Variants in NBEAL2 observed in about 807,000 individuals in gnomAD.
NBEAL2 encodes the protein neurobeachin-like protein 2.
NBEAL2 carries 160 observed loss-of-function variants against 299.8 expected under a neutral mutation model. That is an observed-to-expected ratio of 0.53 (90% CI 0.47 to 0.61). The LOEUF (loss-of-function observed/expected upper bound fraction) is 0.61, where lower values mean the gene tolerates loss of function less well. Ranked by LOEUF, NBEAL2 falls within the 20% of genes least tolerant of loss-of-function variation. NBEAL2 has a pLI of 0.00. For missense variants in NBEAL2, 3,112 were observed against 3,649.0 expected, an observed-to-expected ratio of 0.85 and a Z score of 3.79; for synonymous variants, 1,493 against 1,542.3, an observed-to-expected ratio of 0.97 and a Z score of 0.75.
Position 47,008,502 on chromosome 3 carries a change from A to G in NBEAL2, c.7879-18A>G. 6.2e-7 allele frequency: 1 copy of G among 1,610,614 alleles called. No individual in the cohort carries two copies. The highest frequency in any genetic ancestry group is 8.5e-7 in the Non-Finnish European group (1 of 1,177,370). On this transcript the variant is annotated intron_variant, in intron 51 of 53. Transcript: ENST00000450053. ...CAGTTGGGATCCTGTCCTTGCTGAC[A>G]CTCCCTGCTTCCTCCAGGTCACCTA...
In NBEAL2 at chr3:46,996,579, C is replaced by T. The variant is rs752596053; in HGVS notation, c.2460C>T (p.Thr820=). ...CCCTGCAGGCGACGGCTCTGAGGACCCTGTGCACCCTGGGTATGCAGCATT... is the reference window on the plus strand; with the variant it reads ...CCCTGCAGGCGACGGCTCTGAGGACTCTGTGCACCCTGGGTATGCAGCATT... ...HEALQATALR[T]LCTLGPNETA... is the part of the protein sequence containing the mutation. Residue 820 remains threonine, a synonymous_variant, in exon 16 of 54, where the codon ACC becomes ACT. Coordinates refer to ENST00000450053, the MANE Select transcript of NBEAL2 (RefSeq NM_015175.3). 2 of 1,530,750 alleles carry T rather than the reference C, an allele frequency of 1.3e-6. No individual in the cohort carries two copies. The highest frequency in any genetic ancestry group is 2.3e-5 in the East Asian group (1 of 43,796). The allele number at this position is 1,530,750 out of a possible 1,614,324, so 94.8% of individuals were successfully genotyped here.
chr3:46,991,597 G>A lies in NBEAL2; in HGVS notation c.834G>A (p.Glu278=), dbSNP rs2036093940. The change falls in exon 8 of 54, where the codon GAG becomes GAA. Residue 278 remains glutamate, a synonymous_variant. Transcript: ENST00000450053. This position sits in a 1 kb window ranked among gnomAD's most constrained non-coding sequence, Gnocchi z 6.2. ...PRGPELRALL[E]SYFHVLNADW... is the part of the protein sequence containing the mutation. ...GCCCAGAGCTTCGTGCCCTGCTTGA[G>A]AGCTACTTCCATGTCCTTAATGCTG... The A allele has an allele frequency of 2.2e-5, 35 of 1,601,138 alleles. No individual in the cohort carries two copies. The highest frequency in any genetic ancestry group is 2.9e-5 in the Non-Finnish European group (34 of 1,179,826).
Position 47,002,511 on chromosome 3 carries a change from G to A in NBEAL2, c.5292G>A (p.Arg1764=). 6.2e-7 allele frequency: 1 copy of A among 1,612,546 alleles called. No homozygotes were observed. The highest frequency in any genetic ancestry group is 1.7e-5 in the Admixed American group (1 of 59,996). ...RRQWERAQSR[R]AFQELVLEPA... is the part of the protein sequence containing the mutation. ...AGTGGGAGCGCGCCCAGAGTCGTCG[G>A]GCCTTCCAGGTGTGCCACCCGGGGT... Residue 1764 remains arginine (R), a synonymous_variant, in exon 32 of 54, where the codon CGG becomes CGA. Transcript: ENST00000450053.
Position 46,999,429 on chromosome 3 carries a change from TC to T in NBEAL2, c.3664del (p.Gln1222SerfsTer16). 1 of 1,587,352 alleles carries T rather than the reference TC, an allele frequency of 6.3e-7. No individual in the cohort carries two copies. Among genetic ancestry groups the T allele is most frequent in the Non-Finnish European group, 8.6e-7 (1 of 1,167,540 alleles). On this transcript the variant is annotated frameshift_variant, in exon 25 of 54. Coordinates refer to ENST00000450053, the MANE Select transcript of NBEAL2 (RefSeq NM_015175.3). LOFTEE classifies it high-confidence loss of function. ...TGCCTGCTTGCCTGAGGGGACTGTTTCCCCCCAGCTCTGCCAGGGCCTCTAC... is the reference window on the plus strand; with the variant it reads ...TGCCTGCTTGCCTGAGGGGACTGTTTCCCCCAGCTCTGCCAGGGCCTCTAC... ...LVACLPEGTV[S>X]PQLCQGLYKL... is the part of the protein sequence containing the mutation.
intron 15 of NBEAL2, 109 bp from the exon 16 acceptor site, chr3:46,996,162 T>G (rs2036478718): frequency 1.3e-6 from 2 of 1,552,740 alleles, no homozygotes; most frequent in Non-Finnish European, 1.7e-6. Context: ...AGGCCTGACT[T>G]TAGCCACTGG....
rs1398817406 is a variant in NBEAL2, at chr3:47,009,043, C to T, written c.8082C>T (p.Ala2694=). Residue 2694 remains alanine, a synonymous_variant, in exon 53 of 54, where the codon GCC becomes GCT. Transcript: ENST00000450053. ...LPMKVAIRSV[A]VTKERSHVLV... is the part of the protein sequence containing the mutation. Reference sequence around the variant, plus strand: ...TGAAGGTGGCCATCCGCAGCGTGGCCGTGACCAAGGAGCGCAGCCACGTGC... The same window carrying T: ...TGAAGGTGGCCATCCGCAGCGTGGCTGTGACCAAGGAGCGCAGCCACGTGC... 3.7e-6 allele frequency: 6 copies of T among 1,601,458 alleles called. No homozygotes were observed. Among genetic ancestry groups the T allele is most frequent in the South Asian group, 2.2e-5 (2 of 91,054 alleles).
In NBEAL2 at chr3:47,004,327, C is replaced by T; in HGVS notation, c.6132C>T (p.Pro2044=). The T allele has an allele frequency of 6.2e-7, 1 of 1,610,590 alleles. No homozygotes were observed. The highest frequency in any genetic ancestry group is 8.5e-7 in the Non-Finnish European group (1 of 1,177,780). ...ACTCGTGGCTCCTGCGCCTACGGCCCCCCTCTCAAGGCTACCTAAGCAGCC... is the reference window on the plus strand; with the variant it reads ...ACTCGTGGCTCCTGCGCCTACGGCCTCCCTCTCAAGGCTACCTAAGCAGCC... The part of the protein sequence containing the change: ...QVYSWLLRLR[P]PSQGYLSSRS... Residue 2044 remains proline (P), a synonymous_variant, in exon 37 of 54, where the codon CCC becomes CCT. Transcript: ENST00000450053. The surrounding 1 kb of genome is among the most constrained non-coding windows in gnomAD (Gnocchi z 5.0).
intron 24 of NBEAL2, 29 bp from the exon 25 acceptor site, chr3:46,999,286 A>T: frequency 6.3e-7 from 1 of 1,582,090 alleles, no homozygotes; most frequent in South Asian, 1.1e-5. Flanking sequence ...CTTCCACATG[A>T]TGACAGTCCT....
In NBEAL2 at chr3:47,004,958, G is replaced by A. The variant is rs576843668; in HGVS notation, c.6295-14G>A. On this transcript the variant is annotated splice_polypyrimidine_tract_variant and intron_variant, in intron 38 of 53. Transcript: ENST00000450053. This position sits in a 1 kb window ranked among gnomAD's most constrained non-coding sequence, Gnocchi z 5.0. ...CAGGGCCCTCATGCAGCCCCTGCTC[G>A]GGTGGGTGGCCAGTTCCCCTGGGTC... 25 of 1,599,716 alleles carry A rather than the reference G, an allele frequency of 1.6e-5. No homozygotes were observed. The highest frequency in any genetic ancestry group is 4.5e-5 in the South Asian group (4 of 88,888).
intron 45 of NBEAL2, among the ~76,000 whole-genome samples, chr3:47,006,825 C>T (rs1231750888): frequency 2.0e-5 from 3 of 152,114 alleles, no homozygotes; most frequent in African/African-American, 7.2e-5. Context: ...GGTGAGAGGA[C>T]CAAGTTGAAA....
chr3:47,003,232 G>A lies in NBEAL2; in HGVS notation c.5643G>A (p.Glu1881=), dbSNP rs767001377. The change falls in exon 35 of 54, where the codon GAG becomes GAA. Residue 1881 remains glutamate, a synonymous_variant. Coordinates refer to ENST00000450053, the MANE Select transcript of NBEAL2 (RefSeq NM_015175.3). This position sits in a 1 kb window ranked among gnomAD's most constrained non-coding sequence, Gnocchi z 7.0. ...CACTGCCTCTGGCAGTGACCAAAGA[G>A]GCCAAAGTGAGCACCCCACCCGAGT... The part of the protein sequence containing the change: ...EASLPLAVTK[E]AKVSTPPELL... 5 of 1,613,132 alleles carry A rather than the reference G, an allele frequency of 3.1e-6. No individual in the cohort carries two copies. Among genetic ancestry groups the A allele is most frequent in the African/African-American group, 2.7e-5 (2 of 74,910 alleles).
rs945410454 is a variant in NBEAL2, at chr3:47,003,474, C to T, written c.5720+165C>T. Among the ~76,000 whole-genome samples the T allele has an allele frequency of 1.3e-5, 2 of 152,122 alleles. No individual in the cohort carries two copies. Among genetic ancestry groups the T allele is most frequent in the African/African-American group, 4.8e-5 (2 of 41,412 alleles). ...AGCCAGATGGTGAGTGGGAGAGTCTCCTAACAGGGCTGAGAGTTGCTCTTT... is the reference window on the plus strand; with the variant it reads ...AGCCAGATGGTGAGTGGGAGAGTCTTCTAACAGGGCTGAGAGTTGCTCTTT... On this transcript the variant is annotated intron_variant, in intron 35 of 53. Coordinates refer to ENST00000450053, the MANE Select transcript of NBEAL2 (RefSeq NM_015175.3). The surrounding 1 kb of genome is among the most constrained non-coding windows in gnomAD (Gnocchi z 7.0).
intron 6 of NBEAL2, among the ~76,000 whole-genome samples, chr3:46,990,575 T>A (rs925215316): frequency 6.6e-6 from 1 of 152,106 alleles, no homozygotes; most frequent in Non-Finnish European, 1.5e-5. Flanking sequence ...CTCCCACCCA[T>A]CCAGCCGGAA....
At chr3:46,980,485 C>T (rs779200413) in intron 1 of NBEAL2, among the ~76,000 whole-genome samples, 4 of 152,060 alleles carry the variant, frequency 2.6e-5, no homozygotes, top group Non-Finnish European at 4.4e-5. Flanking sequence ...TCTTCCCTGA[C>T]TTGAAATGAC....
At position 46,988,924 on chromosome 3, in the gene NBEAL2, C is replaced by G. The variant is rs1384150510; in HGVS notation, c.223C>G (p.Leu75Val). 6.2e-7 allele frequency: 1 copy of G among 1,613,112 alleles called. No individual in the cohort carries two copies. The highest frequency in any genetic ancestry group is 8.5e-7 in the Non-Finnish European group (1 of 1,179,382). ...VLAEQLHQAD[L>V]EQALLLLKLF... The stretch of plus-strand genomic sequence containing the variant: ...GGCCGAACAGCTGCACCAGGCTGAC[C>G]TGGAGCAAGCCCTCCTGCTGCTCAA... The change falls in exon 3 of 54, where the codon CTG becomes GTG. Residue 75 changes from leucine (L) to valine (V), a missense_variant. By Grantham distance (32) the Leu-to-Val change is conservative (BLOSUM62 1). Around this residue, in one of 3 missense-constraint regions of NBEAL2, gnomAD observed 2,243 missense variants for 2,538.1 expected, o/e 0.88. Coordinates refer to ENST00000450053, the MANE Select transcript of NBEAL2 (RefSeq NM_015175.3). This position sits in a 1 kb window ranked among gnomAD's most constrained non-coding sequence, Gnocchi z 4.4.
chr3:46,996,321 C>A lies in NBEAL2; in HGVS notation c.2202C>A (p.Thr734=). The change falls in exon 16 of 54, where the codon ACC becomes ACA. Residue 734 remains threonine, a synonymous_variant. Transcript: ENST00000450053. The part of the protein sequence containing the change: ...IGSAGYRTTT[T]TTGLPTPPVP... ...CCGCTGGATACCGCACAACGACCAC[C>A]ACCACAGGGCTGCCCACACCACCAG... 1 of 1,611,330 alleles carries A rather than the reference C, an allele frequency of 6.2e-7. No homozygotes were observed. The highest frequency in any genetic ancestry group is 8.5e-7 in the Non-Finnish European group (1 of 1,179,856).
intron 1 of NBEAL2, among the ~76,000 whole-genome samples, chr3:46,980,326 C>T (rs2035233087): frequency 6.6e-6 from 1 of 152,148 alleles, no homozygotes; most frequent in Admixed American, 6.5e-5. Flanking sequence ...AGCTGCCTCT[C>T]CCTTGGGCGC....
rs774445289 is a variant in NBEAL2 at position 46,998,734 on chromosome 3, C to G, written c.3239C>G (p.Pro1080Arg). Residue 1080 changes from proline to arginine, a missense_variant, in exon 23 of 54, where the codon CCC becomes CGC. Pro to Arg is a moderately radical substitution (Grantham distance 103, BLOSUM62 -2). Transcript: ENST00000450053. ...CCTGCCAGCCCGCAGCGGGAGCGCC[C>G]CCTGGCTGCTGACGACCTACGCACC... ...RTHYSPQRERPLAADDLRTVQ... is the reference protein window; with the variant it reads ...RTHYSPQRERRLAADDLRTVQ... The G allele has an allele frequency of 6.3e-7, 1 of 1,577,452 alleles. No individual in the cohort carries two copies. Among genetic ancestry groups the G allele is most frequent in the Non-Finnish European group, 8.6e-7 (1 of 1,159,598 alleles).
At chr3:46,980,374 T>G (rs1055320583) in intron 1 of NBEAL2, among the ~76,000 whole-genome samples, 2 of 151,554 alleles carry the variant, frequency 1.3e-5, no homozygotes, top group Non-Finnish European at 2.9e-5. Context: ...GGTCTGGGGG[T>G]GTGGGCCAAG....
Sources: gnomAD v4.1 joint callset for allele counts (sites outside exome capture counted in the v4.1 genomes callset) on GRCh38, gnomAD v4.1.1 for gene constraint, gnomAD v4.1.1 regional missense constraint, Gnocchi (gnomAD v3.1) non-coding constraint, MANE v1.5 for transcripts, NCBI Gene and HGNC (gene_info 2026-07-23, HGNC 2026-07-21) for gene names.